Variants in RCN2 observed in about 807,000 individuals in gnomAD.
RCN2 encodes the protein reticulocalbin 2.
RCN2 carries 23 observed loss-of-function variants against 37.5 expected under a neutral mutation model. The observed-to-expected ratio is 0.61, with a 90% CI of 0.44 to 0.87. The LOEUF is 0.87. Among genes scored for constraint, RCN2 ranks in the 40% least tolerant of loss-of-function variants. RCN2 has a pLI of 0.00. For synonymous variants in RCN2, 140 were observed against 144.6 expected (o/e 0.97, Z 0.23); for missense variants, 381 against 390.4 (o/e 0.98, Z 0.20).
intron 4 of RCN2, among the ~76,000 whole-genome samples, chr15:76,946,901 G>A (rs1009159025): frequency 3.9e-5 from 6 of 152,312 alleles, no homozygotes; most frequent in African/African-American, 1.4e-4. Context: ...GATGGATAGG[G>A]CTAGGTTTGC....
intron 2 of RCN2, 36 bp downstream of exon 2, chr15:76,932,502 AAC>A (rs2075228780): frequency 1.4e-6 from 2 of 1,381,410 alleles, no homozygotes; most frequent in Middle Eastern, 1.8e-4. Context: ...AATGGAGACA[AAC>A]ACAAATATGT....
At chr15:76,947,157 C>T (rs1286652584) in intron 4 of RCN2, among the ~76,000 whole-genome samples, 1 of 152,114 alleles carries the variant, frequency 6.6e-6, no homozygotes, top group Non-Finnish European at 1.5e-5. Context: ...ATATCAGAAG[C>T]TTAAGGATGT....
At chr15:76,936,177 TA>T (rs550666333) in intron 3 of RCN2, among the ~76,000 whole-genome samples, 2,622 of 144,590 alleles carry the variant, frequency 0.018, 66 homozygotes, top group African/African-American at 0.058. Flanking sequence ...AAGTAAGTAT[TA>T]AAAAAAAAAA....
At chr15:76,947,310 C>T (rs2280194) in intron 4 of RCN2, 111 bp from the exon 5 acceptor site, 224,781 of 668,826 alleles carry the variant, frequency 0.34, 39,786 homozygotes, top group East Asian at 0.55. Context: ...ACTAGAGCTC[C>T]AAAAATTATC....
At chr15:76,945,721 GTT>G (rs2075294136) in intron 4 of RCN2, among the ~76,000 whole-genome samples, 2 of 152,196 alleles carry the variant, frequency 1.3e-5, no homozygotes, top group Non-Finnish European at 2.9e-5. Flanking sequence ...ATATCTTTTT[GTT>G]TAATGTGTCA....
intron 5 of RCN2, 73 bp downstream of exon 5, chr15:76,947,590 G>A: frequency 1.1e-6 from 1 of 947,026 alleles, no homozygotes; most frequent in Non-Finnish European, 1.7e-6. Context: ...CTTGCTCATT[G>A]AAAGCTCTCT....
intron 6 of RCN2, chr15:76,948,826 A>C: frequency 3.8e-6 from 2 of 526,482 alleles, no homozygotes; most frequent in Non-Finnish European, 6.6e-6. Context: ...ATAATTTTTC[A>C]TTGCCTTGAT....
At chr15:76,938,862 A>G in intron 3 of RCN2, 1 of 439,392 alleles carries the variant, frequency 2.3e-6, no homozygotes, top group Non-Finnish European at 4.7e-6. Flanking sequence ...ATCTCCAAAA[A>G]TGAGGATAAT....
rs2075314302 is a variant in RCN2 at position 76,950,260 on chromosome 15, A to G, written c.*1038A>G. On this transcript the variant is annotated 3_prime_UTR_variant, in exon 7 of 7. Coordinates refer to ENST00000394885, the MANE Select transcript of RCN2 (RefSeq NM_002902.3). ...GAAATTAAAATCATACTTGATAAGC[A>G]TGATAATCAATTTTAACCTAATTCA... 1 of 151,820 alleles carries G rather than the reference A, an allele frequency of 6.6e-6. No individual in the cohort carries two copies. Among genetic ancestry groups the G allele is most frequent in the African/African-American group, 2.4e-5 (1 of 41,396 alleles). The allele number at this position is 151,820 out of a possible 1,614,324, so 9.4% of individuals were successfully genotyped here. A position where few individuals can be genotyped will look rare whatever the true frequency, so the allele number is the denominator to read the frequency against.
intron 3 of RCN2, among the ~76,000 whole-genome samples, chr15:76,939,103 G>A (rs1395043529): frequency 6.6e-6 from 1 of 152,068 alleles, no homozygotes; most frequent in Non-Finnish European, 1.5e-5. Flanking sequence ...ATGATGGTCC[G>A]TCCTGTGATC....
rs1238490638 is a variant in RCN2 at position 76,954,165 on chromosome 15, A to T, written c.*4943A>T. 6.6e-6 allele frequency: 1 copy of T among 150,386 alleles called. No individual in the cohort carries two copies. Among genetic ancestry groups the T allele is most frequent in the Non-Finnish European group, 1.5e-5 (1 of 67,870 alleles). The allele number at this position is 150,386 out of a possible 1,614,324, so 9.3% of individuals were successfully genotyped here. ...TCTACAGTTTTGCCTGTTCCAGAAT[A>T]TCATTCCTTTGCAATTTAAATGTGA... On this transcript the variant is annotated 3_prime_UTR_variant, in exon 7 of 7. Transcript: ENST00000394885.
intron 3 of RCN2, among the ~76,000 whole-genome samples, chr15:76,937,705 G>C (rs1047289981): frequency 2.0e-5 from 3 of 152,092 alleles, no homozygotes; most frequent in African/African-American, 7.2e-5. Flanking sequence ...ACGACACCTG[G>C]CCCCAAATTA....
chr15:76,951,596 T>A lies in RCN2; in HGVS notation c.*2374T>A, dbSNP rs2075320990. 1 of 152,230 alleles carries A rather than the reference T, an allele frequency of 6.6e-6. No homozygotes were observed. Among genetic ancestry groups the A allele is most frequent in the African/African-American group, 2.4e-5 (1 of 41,462 alleles). 9.4% of individuals were successfully genotyped at this position (152,230 alleles called of 1,614,324 possible). On this transcript the variant is annotated 3_prime_UTR_variant, in exon 7 of 7. Transcript: ENST00000394885. Reference sequence around the variant, plus strand: ...AAGCATGCAGAGAAAAAGAATCATCTGCTTGAACAGAGATGCTATATCTAC... The same window carrying A: ...AAGCATGCAGAGAAAAAGAATCATCAGCTTGAACAGAGATGCTATATCTAC...
At position 76,953,820 on chromosome 15, in the gene RCN2, GATGGTC is replaced by G. The variant is rs2075336771; in HGVS notation, c.*4599_*4604del. 3.9e-4 allele frequency: 1 copy of G among 2,542 alleles called. No individual in the cohort carries two copies. The allele number at this position is 2,542 out of a possible 1,614,324, so 0.2% of individuals were successfully genotyped here. ...GACGGGGTTTCACCGTGTTAGCCAG[GATGGTC>G]TTGATCTGCTGACCTCGTGATCCGC... On this transcript the variant is annotated 3_prime_UTR_variant, in exon 7 of 7. Transcript: ENST00000394885.
In RCN2 at chr15:76,949,568, T is replaced by C. The variant is rs1020899839; in HGVS notation, c.*346T>C. ...AGATGCCTGAACAATATTATTTAAG[T>C]AGTATGTGACCGAGCTATAAATTTT... On this transcript the variant is annotated 3_prime_UTR_variant, in exon 7 of 7. Coordinates refer to ENST00000394885, the MANE Select transcript of RCN2 (RefSeq NM_002902.3). 2.5e-5 allele frequency: 4 copies of C among 161,328 alleles called. No homozygotes were observed. The highest frequency in any genetic ancestry group is 9.6e-5 in the African/African-American group (4 of 41,804). The allele number at this position is 161,328 out of a possible 1,614,324, so 10.0% of individuals were successfully genotyped here.
Position 76,931,911 on chromosome 15 carries a change from A to G in RCN2, c.70A>G (p.Lys24Glu). Residue 24 changes from lysine (K) to glutamate (E), a missense_variant, in exon 1 of 7, where the codon AAG becomes GAG. Transcript: ENST00000394885. ...LLCAAAAGAG[K>E]AEELHYPLGE... ...GTGCGCCGCCGCGGCCGGCGCCGGC[A>G]AGGCCGAGGAGCTGCACTACCCGCT... 7.5e-7 allele frequency: 1 copy of G among 1,326,312 alleles called. No individual in the cohort carries two copies. Among genetic ancestry groups the G allele is most frequent in the Admixed American group, 3.3e-5 (1 of 30,558 alleles). 82.2% of individuals were successfully genotyped at this position (1,326,312 alleles called of 1,614,324 possible).
rs2075319981 is a variant in RCN2, at chr15:76,951,380, G to A, written c.*2158G>A. The A allele has an allele frequency of 6.6e-6, 1 of 152,242 alleles. No homozygotes were observed. The highest frequency in any genetic ancestry group is 2.1e-4 in the South Asian group (1 of 4,834). The allele number at this position is 152,242 out of a possible 1,614,324, so 9.4% of individuals were successfully genotyped here. A position where few individuals can be genotyped will look rare whatever the true frequency, so the allele number is the denominator to read the frequency against. ...CTCAGCTGAAATGGTGCAGCCACAAGATGAAAGTGGCTTTGATCTTGAGTC... is the reference window on the plus strand; with the variant it reads ...CTCAGCTGAAATGGTGCAGCCACAAAATGAAAGTGGCTTTGATCTTGAGTC... On this transcript the variant is annotated 3_prime_UTR_variant, in exon 7 of 7. Coordinates refer to ENST00000394885, the MANE Select transcript of RCN2 (RefSeq NM_002902.3).
At chr15:76,941,622 T>C in intron 3 of RCN2, 1 of 1,440,780 alleles carries the variant, frequency 6.9e-7, no homozygotes, top group Non-Finnish European at 9.4e-7. Context: ...ACCATCTTTT[T>C]TGTTATTTTT....
chr15:76,945,538 C>T (rs1276661996), intron 4 of RCN2, among the ~76,000 whole-genome samples: 5 of 151,946 alleles, frequency 3.3e-5, no homozygotes, highest in Non-Finnish European at 4.4e-5. Context: ...AAATTGAGTC[C>T]CTATTATGAC....
Sources: gnomAD v4.1 joint callset for allele counts (sites outside exome capture counted in the v4.1 genomes callset) on GRCh38, gnomAD v4.1.1 for gene constraint, MANE v1.5 for transcripts, NCBI Gene and HGNC (gene_info 2026-07-23, HGNC 2026-07-21) for gene names.